The following HPSE2 variants were observed in gnomAD, a reference collection of about 807,000 sequenced individuals.
HPSE2 encodes heparanase 2 (inactive).
HPSE2 carries 38 observed loss-of-function variants against 60.5 expected under a neutral mutation model. That is an observed-to-expected ratio of 0.63 (90% CI 0.48 to 0.82). The LOEUF (loss-of-function observed/expected upper bound fraction) is 0.82, where lower values mean the gene tolerates loss of function less well. Ranked by LOEUF, HPSE2 falls within the 40% of genes least tolerant of loss-of-function variation. The pLI is 0.00. For missense variants in HPSE2, 713 were observed against 740.4 expected (o/e 0.96, Z 0.43); for synonymous variants, 295 against 293.2 (o/e 1.01, Z -0.06).
intron 9 of HPSE2, among the ~76,000 whole-genome samples, chr10:98,520,132 G>A (rs745567711): frequency 2.0e-5 from 3 of 152,160 alleles, no homozygotes; most frequent in Non-Finnish European, 4.4e-5. Context: ...GTGACTGGTG[G>A]GAAAGCATGA....
At chr10:98,876,949 T>C (rs1952893246) in intron 3 of HPSE2, among the ~76,000 whole-genome samples, 1 of 151,896 alleles carries the variant, frequency 6.6e-6, no homozygotes, top group Admixed American at 6.6e-5. Flanking sequence ...ACATATGTCT[T>C]CACTGAGCTT....
At chr10:99,260,502 TTCTCACTACCCTTCAATCTTCCTC>T in the HPSE2 span, among the ~76,000 whole-genome samples, 1 of 152,164 alleles carries the variant, frequency 6.6e-6, no homozygotes, top group Non-Finnish European at 1.5e-5. Flanking sequence ...TCTCCAGCCT[TTCTCACTACCCTTCAATCTTCCTC>T]TCTCACTACC....
intron 9 of HPSE2, among the ~76,000 whole-genome samples, chr10:98,591,442 C>A (rs1167875751): frequency 6.6e-6 from 1 of 152,088 alleles, no homozygotes; most frequent in African/African-American, 2.4e-5. Context: ...AGGGGCAGAT[C>A]ACCTGAGGCT....
intron 3 of HPSE2, among the ~76,000 whole-genome samples, chr10:98,998,924 C>T (rs772588942): frequency 6.1e-4 from 93 of 152,330 alleles, no homozygotes; most frequent in Admixed American, 1.9e-3. Context: ...TTCAATTCTG[C>T]CCGAAGGGCA....
At chr10:99,123,751 A>G (rs1845053947) in intron 3 of HPSE2, among the ~76,000 whole-genome samples, 1 of 152,144 alleles carries the variant, frequency 6.6e-6, no homozygotes, top group African/African-American at 2.4e-5. Context: ...TGATGAGTAC[A>G]GCTGTCAGTG....
Position 99,229,151 on chromosome 10 carries a change from G to A in HPSE2, c.448+3197C>T, listed in dbSNP as rs77788153. ...ATAATGCCACTGCCCTCTAGCCTGG[G>A]CAAAAGAGGAGACTCCATATCGAAA... On this transcript the variant is annotated intron_variant, in intron 2 of 11. Coordinates refer to ENST00000370552, the MANE Select transcript of HPSE2 (RefSeq NM_021828.5). Among the ~76,000 whole-genome samples the A allele has an allele frequency of 2.0e-5, 3 of 151,050 alleles. No individual in the cohort carries two copies. In the East Asian group the frequency reaches 5.8e-4, roughly 29 times the overall value.
rs574148713 is a variant in HPSE2 at position 99,170,793 on chromosome 10, G to A, written c.449-26394C>T. Among the ~76,000 whole-genome samples, 10 of 152,316 alleles carry A rather than the reference G, an allele frequency of 6.6e-5. No individual in the cohort carries two copies. In the East Asian group the frequency reaches 1.9e-3, roughly 29 times the overall value. On this transcript the variant is annotated intron_variant, in intron 2 of 11. Coordinates refer to ENST00000370552, the MANE Select transcript of HPSE2 (RefSeq NM_021828.5). ...GTGCTAAATAAAAGGACTGAGTACA[G>A]TCCGCCCTCTGTATCCATGAGTTTT...
chr10:99,278,087 T>G, the HPSE2 span, among the ~76,000 whole-genome samples: 1 of 49,588 alleles, frequency 2.0e-5, no homozygotes, highest in African/African-American at 1.1e-4. Flanking sequence ...CGAGACTCCC[T>G]CTCAAAAAAA....
At chr10:99,024,284 C>T (rs1014116418) in intron 3 of HPSE2, among the ~76,000 whole-genome samples, 1 of 151,998 alleles carries the variant, frequency 6.6e-6, no homozygotes, top group Admixed American at 6.6e-5. Flanking sequence ...TTTAAAAATA[C>T]ACAGAGGAGA....
intron 3 of HPSE2, among the ~76,000 whole-genome samples, chr10:98,821,479 G>C: frequency 6.6e-6 from 1 of 152,170 alleles, no homozygotes; most frequent in Non-Finnish European, 1.5e-5. Flanking sequence ...CATATATGTG[G>C]TCAGTTGACA....
chr10:98,475,968 A>T (rs938404991), intron 11 of HPSE2, among the ~76,000 whole-genome samples: 8 of 152,176 alleles, frequency 5.3e-5, no homozygotes, highest in African/African-American at 1.9e-4. Flanking sequence ...CCATCCCATT[A>T]CTGGGTATAT....
At chr10:98,489,340 A>G (rs1235208894) in intron 10 of HPSE2, among the ~76,000 whole-genome samples, 1 of 152,176 alleles carries the variant, frequency 6.6e-6, no homozygotes, top group African/African-American at 2.4e-5. Context: ...TTTATTGACA[A>G]TTAATTTTCC....
the HPSE2 span, among the ~76,000 whole-genome samples, chr10:99,305,979 G>GCGCGCGCGCGCGCGCACACACACACACA: frequency 5.0e-5 from 4 of 80,578 alleles, no homozygotes; most frequent in Admixed American, 2.4e-4. Context: ...GCGCGCGCGC[G>GCGCGCGCGCGCGCGCACACACACACACA]CACACACACA....
chr10:98,803,462 GTTTAAGTC>G, intron 3 of HPSE2, among the ~76,000 whole-genome samples: 1 of 151,298 alleles, frequency 6.6e-6, no homozygotes, highest in African/African-American at 2.4e-5. Context: ...TAGGTCTAAC[GTTTAAGTC>G]TTTAATCCAT....
intron 3 of HPSE2, among the ~76,000 whole-genome samples, chr10:99,098,835 A>G (rs1478442842): frequency 1.3e-5 from 2 of 152,198 alleles, no homozygotes; most frequent in Non-Finnish European, 2.9e-5. Flanking sequence ...TTCACCAACA[A>G]TTTTTGAACC....
chr10:99,232,682 C>T (rs1230653272), intron 1 of HPSE2, among the ~76,000 whole-genome samples, 177 bp from the exon 2 acceptor site: 2 of 152,254 alleles, frequency 1.3e-5, no homozygotes, highest in African/African-American at 4.8e-5. Flanking sequence ...CGCCCCAGCC[C>T]GCCCTCACCG....
chr10:98,677,223 T>C (rs1947667347), intron 6 of HPSE2, among the ~76,000 whole-genome samples: 1 of 152,240 alleles, frequency 6.6e-6, no homozygotes, highest in African/African-American at 2.4e-5. Context: ...ATTCATAACA[T>C]CTATCACAGT....
At chr10:98,509,342 G>GA (rs1942308796) in intron 9 of HPSE2, among the ~76,000 whole-genome samples, 1 of 151,410 alleles carries the variant, frequency 6.6e-6, no homozygotes, top group South Asian at 2.1e-4. Flanking sequence ...AACAGAAGAA[G>GA]AAAAAAAGAG....
At chr10:99,021,531 G>A (rs1005552941) in intron 3 of HPSE2, among the ~76,000 whole-genome samples, 1 of 151,476 alleles carries the variant, frequency 6.6e-6, no homozygotes, top group African/African-American at 2.4e-5. Context: ...TCTCGCTAAG[G>A]GTCCTACTCT....
Sources: gnomAD v4.1 joint callset for allele counts (sites outside exome capture counted in the v4.1 genomes callset) on GRCh38, gnomAD v4.1.1 for gene constraint, MANE v1.5 for transcripts, NCBI Gene and HGNC (gene_info 2026-07-23, HGNC 2026-07-21) for gene names.